LENG8: variants seen among roughly 807,000 people sequenced by gnomAD.
LENG8 encodes leukocyte receptor cluster (LRC) member 8.
Under a neutral mutation model 102.1 loss-of-function variants are expected in LENG8, and 28 were observed. The observed-to-expected ratio is 0.27, with a 90% CI of 0.20 to 0.38. The LOEUF (loss-of-function observed/expected upper bound fraction) is 0.38, where lower values mean the gene tolerates loss of function less well. Ranked by LOEUF, LENG8 falls within the 10% of genes least tolerant of loss-of-function variation. LENG8 has a pLI of 1.00. For missense variants in LENG8, 1,022 were observed against 1,113.9 expected, an observed-to-expected ratio of 0.92 and a Z score of 1.17; for synonymous variants, 531 against 456.7, an observed-to-expected ratio of 1.16 and a Z score of -2.07.
intron 11 of LENG8, 73 bp from the exon 12 acceptor site, chr19:54,457,674 A>G: frequency 9.3e-7 from 1 of 1,069,522 alleles, no homozygotes. Flanking sequence ...CAACTCTCCC[A>G]CCAAATAAGT....
Position 54,455,538 on chromosome 19 carries a change from C to G in LENG8, c.996C>G (p.Thr332=). The part of the protein sequence containing the change: ...QARLQDGSAY[T]IDWSREPLPG... ...GGCTGCAGGACGGCTCGGCCTATAC[C>G]ATTGACTGGAGCCGGGAGCCCTTGC... is the stretch of plus-strand genomic sequence containing the variant. Residue 332 remains threonine (T), a synonymous_variant, in exon 8 of 16, where the codon ACC becomes ACG. Coordinates refer to ENST00000326764, the MANE Select transcript of LENG8 (RefSeq NM_052925.4). 6.2e-7 allele frequency: 1 copy of G among 1,612,976 alleles called. No homozygotes were observed. The highest frequency in any genetic ancestry group is 8.5e-7 in the Non-Finnish European group (1 of 1,179,830).
intron 15 of LENG8, 80 bp downstream of exon 15, chr19:54,458,601 C>T (rs761308840): frequency 6.2e-5 from 98 of 1,589,418 alleles, no homozygotes; most frequent in African/African-American, 4.6e-4. Flanking sequence ...AGCTCCTGGC[C>T]GCAGGCCTCC....
chr19:54,452,434 A>G (rs2084005825), intron 3 of LENG8, among the ~76,000 whole-genome samples, 167 bp downstream of exon 3: 1 of 152,226 alleles, frequency 6.6e-6, no homozygotes, highest in Non-Finnish European at 1.5e-5. Flanking sequence ...CCTTGAGGAA[A>G]TTAGGGCGTG....
intron 5 of LENG8, 151 bp from the exon 6 acceptor site, chr19:54,454,279 A>T: frequency 2.8e-6 from 2 of 710,838 alleles, no homozygotes; most frequent in Non-Finnish European, 4.7e-6. Context: ...TCACAGAGTT[A>T]CTGAGGACTC....
At chr19:54,451,890 C>T in intron 2 of LENG8, 1 of 526,934 alleles carries the variant, frequency 1.9e-6, no homozygotes, top group Non-Finnish European at 3.3e-6. Context: ...GGATAAGTAC[C>T]TTAAGTAGGT....
At chr19:54,450,326 T>C (rs564994725) in intron 1 of LENG8, among the ~76,000 whole-genome samples, 1 of 152,264 alleles carries the variant, frequency 6.6e-6, no homozygotes, top group South Asian at 2.1e-4. Flanking sequence ...AATCAGTCTG[T>C]CAGTGCTAAG....
At chr19:54,460,609 C>T (rs10422715) in intron 15 of LENG8, 157 bp from the exon 16 acceptor site, 31,750 of 1,426,666 alleles carry the variant, frequency 0.022, 694 homozygotes, top group African/African-American at 0.11. Flanking sequence ...CCCCCCGAGC[C>T]CCTGAGGTGG....
chr19:54,457,226 G>T (rs2084298393), intron 11 of LENG8, among the ~76,000 whole-genome samples: 1 of 152,262 alleles, frequency 6.6e-6, no homozygotes, highest in Non-Finnish European at 1.5e-5. Context: ...GGGCGTGGGG[G>T]GCTGTGTTTC....
chr19:54,454,889 C>A, intron 6 of LENG8, 62 bp from the exon 7 acceptor site: 7 of 1,604,640 alleles, frequency 4.4e-6, no homozygotes, highest in Non-Finnish European at 6.0e-6. Flanking sequence ...TTCCTCCCGT[C>A]CCCTGGGGAC....
rs748378494 is a variant in LENG8 at position 54,461,809 on chromosome 19, C to G, written c.*881C>G. The G allele has an allele frequency of 6.8e-6, 4 of 590,462 alleles. No homozygotes were observed. The highest frequency in any genetic ancestry group is 6.1e-5 in the South Asian group (4 of 65,598). 36.6% of individuals were successfully genotyped at this position (590,462 alleles called of 1,614,324 possible). ...CTCTCCCTTTTCTTTTTGGCCCTCC[C>G]TCCCTCCCTCTTCTGCCATGTAACT... On this transcript the variant is annotated 3_prime_UTR_variant, in exon 16 of 16. Transcript: ENST00000326764.
In LENG8 at chr19:54,456,632, C is replaced by G. The variant is rs374587713; in HGVS notation, c.1446-4C>G. The G allele has an allele frequency of 6.2e-7, 1 of 1,606,810 alleles. No homozygotes were observed. The highest frequency in any genetic ancestry group is 8.5e-7 in the Non-Finnish European group (1 of 1,175,858). ...CGCGCTCACTGCCCCTCATCCCTTC[C>G]TAGGCACGATCTGGCGCCCACCAAG... On this transcript the variant is annotated splice_polypyrimidine_tract_variant and splice_region_variant and intron_variant, in intron 10 of 15. Coordinates refer to ENST00000326764, the MANE Select transcript of LENG8 (RefSeq NM_052925.4).
intron 11 of LENG8, among the ~76,000 whole-genome samples, chr19:54,457,346 T>C (rs1021383336): frequency 6.6e-6 from 1 of 152,134 alleles, no homozygotes; most frequent in African/African-American, 2.4e-5. Context: ...GTGGGTTTGT[T>C]TTCTCTTTTT....
chr19:54,455,655 G>T, intron 8 of LENG8, 88 bp downstream of exon 8: 1 of 1,218,400 alleles, frequency 8.2e-7, no homozygotes, highest in Non-Finnish European at 1.2e-6. Context: ...CGGGTCCCAG[G>T]TACCAGGAGC....
At chr19:54,458,944 C>T (rs1470874501) in intron 15 of LENG8, 5 of 1,505,452 alleles carry the variant, frequency 3.3e-6, no homozygotes, top group Admixed American at 2.1e-5. Flanking sequence ...CAGGACAAGG[C>T]CCAGTCCCAC....
rs975621127 is a variant in LENG8, at chr19:54,456,458, G to T, written c.1438G>T (p.Gly480Trp). 10 of 1,604,578 alleles carry T rather than the reference G, an allele frequency of 6.2e-6. No homozygotes were observed. The highest frequency in any genetic ancestry group is 1.3e-5 in the African/African-American group (1 of 74,854). The stretch of plus-strand genomic sequence containing the variant: ...TCGGGGCCGAGGCAGGGCGCAGCGT[G>T]GGAAGAGGTGAGACTGTGTGAGGGC... ...MDRGRGRAQR[G>W]KRHDLAPTKR... The change falls in exon 10 of 16, where the codon GGG (glycine) becomes TGG (tryptophan). Residue 480 changes from glycine to tryptophan, a missense_variant. Gly to Trp is a radical substitution (Grantham distance 184). Coordinates refer to ENST00000326764, the MANE Select transcript of LENG8 (RefSeq NM_052925.4).
intron 2 of LENG8, 71 bp downstream of exon 2, chr19:54,451,453 G>C (rs1255159806): frequency 6.6e-7 from 1 of 1,508,478 alleles, no homozygotes; most frequent in Non-Finnish European, 9.2e-7. Context: ...CTGTCCTCTG[G>C]GGTGGGACCT....
At chr19:54,457,877 C>T (rs1343784772) in intron 12 of LENG8, 29 bp downstream of exon 12, 1 of 1,613,324 alleles carries the variant, frequency 6.2e-7, no homozygotes, top group Non-Finnish European at 8.5e-7. Context: ...GGGGCCTGGC[C>T]TCAGCCAGTC....
chr19:54,455,871 C>G, intron 8 of LENG8, 96 bp from the exon 9 acceptor site: 1 of 1,371,394 alleles, frequency 7.3e-7, no homozygotes, highest in Non-Finnish European at 9.9e-7. Context: ...AGTGCCTTTC[C>G]TTTCGGAGGC....
chr19:54,459,016 C>T (rs1315382399), intron 15 of LENG8: 23 of 1,435,888 alleles, frequency 1.6e-5, no homozygotes, highest in Admixed American at 2.8e-5. Flanking sequence ...CCACACTGGG[C>T]GCGGTGCCAG....
Sources: allele counts gnomAD v4.1 joint callset (sites outside exome capture counted in the v4.1 genomes callset), GRCh38; gene constraint gnomAD v4.1.1; transcripts MANE v1.5; gene names NCBI Gene and HGNC (gene_info 2026-07-23, HGNC 2026-07-21).